ZFAND3: variants seen among roughly 807,000 people sequenced by gnomAD.
ZFAND3 encodes the protein zinc finger AN1-type containing 3.
ZFAND3 carries 10 observed loss-of-function variants against 29.6 expected under a neutral mutation model. That is an observed-to-expected ratio of 0.34 (90% CI 0.21 to 0.57). The LOEUF is 0.57. ZFAND3 is among the 20% of genes least tolerant of loss of function. The pLI is 0.86. For missense variants in ZFAND3, 230 were observed against 304.5 expected, an observed-to-expected ratio of 0.76 and a Z score of 1.82; for synonymous variants, 128 against 112.6, an observed-to-expected ratio of 1.14 and a Z score of -0.87.
At chr6:37,961,619 G>T (rs929693072) in intron 2 of ZFAND3, among the ~76,000 whole-genome samples, 6 of 152,246 alleles carry the variant, frequency 3.9e-5, no homozygotes, top group Non-Finnish European at 7.3e-5. Flanking sequence ...AGGAGTACTT[G>T]TGTCAGTCCA....
chr6:37,910,652 T>G (rs1765503394), intron 1 of ZFAND3, among the ~76,000 whole-genome samples: 1 of 152,204 alleles, frequency 6.6e-6, no homozygotes, highest in South Asian at 2.1e-4. Flanking sequence ...AAATTGTTAC[T>G]AAGTATAATC....
At chr6:37,964,278 A>G (rs1029632648) in intron 2 of ZFAND3, among the ~76,000 whole-genome samples, 1 of 152,140 alleles carries the variant, frequency 6.6e-6, no homozygotes, top group Non-Finnish European at 1.5e-5. Flanking sequence ...TCACATGACT[A>G]CCCTACCATG....
At chr6:38,135,763 CA>C (rs72123739) in intron 5 of ZFAND3, among the ~76,000 whole-genome samples, 10,372 of 151,110 alleles carry the variant, frequency 0.069, 419 homozygotes, top group Non-Finnish European at 0.087. Flanking sequence ...AAAAAACAAA[CA>C]AAAAAAACAC....
chr6:37,909,468 C>T (rs772944937), intron 1 of ZFAND3, among the ~76,000 whole-genome samples: 4 of 151,474 alleles, frequency 2.6e-5, no homozygotes, highest in Non-Finnish European at 4.4e-5. Context: ...TTAGTAGAGT[C>T]GGGGTTTTGC....
chr6:38,135,278 G>A (rs748128672), intron 5 of ZFAND3, among the ~76,000 whole-genome samples: 3 of 152,184 alleles, frequency 2.0e-5, no homozygotes, highest in Non-Finnish European at 4.4e-5. Flanking sequence ...GCAAAGTTCA[G>A]AGGCAAAAAA....
chr6:38,094,030 G>C (rs1374768916), intron 4 of ZFAND3, among the ~76,000 whole-genome samples: 3 of 152,180 alleles, frequency 2.0e-5, no homozygotes, highest in Non-Finnish European at 4.4e-5. Flanking sequence ...ATCTAAGAGT[G>C]TAAGGAAGGA....
intron 2 of ZFAND3, among the ~76,000 whole-genome samples, chr6:37,979,741 T>C (rs1038709222): frequency 1.4e-4 from 21 of 152,212 alleles, no homozygotes; most frequent in Non-Finnish European, 4.4e-5. Flanking sequence ...TGACCTGTAC[T>C]TGGCTGAATA....
intron 2 of ZFAND3, among the ~76,000 whole-genome samples, chr6:37,972,269 A>G (rs1488556776): frequency 6.6e-6 from 1 of 152,210 alleles, no homozygotes; most frequent in Non-Finnish European, 1.5e-5. Context: ...GCCCACATAA[A>G]GCTGGGTTTA....
intron 1 of ZFAND3, among the ~76,000 whole-genome samples, chr6:37,824,752 T>C (rs1240917686): frequency 6.6e-6 from 1 of 152,214 alleles, no homozygotes; most frequent in Non-Finnish European, 1.5e-5. Context: ...GCAAATATCA[T>C]ATGGGTTCAT....
chr6:37,944,210 T>A (rs1239499909), intron 2 of ZFAND3, among the ~76,000 whole-genome samples: 1 of 152,190 alleles, frequency 6.6e-6, no homozygotes, highest in African/African-American at 2.4e-5. Flanking sequence ...GACAGTTGGA[T>A]TTTATATGAG....
At chr6:37,823,988 CTG>C in intron 1 of ZFAND3, among the ~76,000 whole-genome samples, 1 of 152,190 alleles carries the variant, frequency 6.6e-6, no homozygotes, top group East Asian at 1.9e-4. Flanking sequence ...ACGTGGGAGA[CTG>C]TTATCGAACT....
At chr6:37,950,448 G>C (rs1298380131) in intron 2 of ZFAND3, among the ~76,000 whole-genome samples, 1 of 151,616 alleles carries the variant, frequency 6.6e-6, no homozygotes, top group African/African-American at 2.4e-5. Context: ...CGCAAACTTG[G>C]CTCACTGCAA....
rs980077403 is a variant in ZFAND3, at chr6:37,990,385, G to A, written c.112+60386G>A. On this transcript the variant is annotated intron_variant, in intron 2 of 5. Transcript: ENST00000287218. ...ACAGTTTGCTTTCTTTGAACCCAGGGTATGTACTTCCTAGAGCCACTGTGA... is the reference window on the plus strand; with the variant it reads ...ACAGTTTGCTTTCTTTGAACCCAGGATATGTACTTCCTAGAGCCACTGTGA... Among the ~76,000 whole-genome samples the A allele has an allele frequency of 9.2e-5, 14 of 152,216 alleles. 1 individual carries two copies. The highest frequency in any genetic ancestry group is 3.3e-4 in the Admixed American group (5 of 15,272).
intron 2 of ZFAND3, among the ~76,000 whole-genome samples, chr6:38,025,687 A>G (rs940618275): frequency 1.3e-5 from 2 of 152,222 alleles, no homozygotes; most frequent in African/African-American, 2.4e-5. Context: ...ATTCAGAGAT[A>G]TAAAAGAATG....
chr6:37,930,045 CT>C (rs370975464), intron 2 of ZFAND3, 46 bp downstream of exon 2: 176,003 of 1,008,948 alleles, frequency 0.17, no homozygotes, highest in East Asian at 0.19. Flanking sequence ...ATTTTTCTTT[CT>C]TTTTTTTTTT....
chr6:38,115,895 C>CT (rs1264275479), intron 4 of ZFAND3, among the ~76,000 whole-genome samples: 1 of 152,200 alleles, frequency 6.6e-6, no homozygotes, highest in Admixed American at 6.5e-5. Context: ...GGTGGGGTGC[C>CT]TGGTGCTGCT....
intron 2 of ZFAND3, among the ~76,000 whole-genome samples, chr6:38,054,218 C>CAAA (rs34198332): frequency 1.0e-3 from 114 of 112,018 alleles, no homozygotes; most frequent in Middle Eastern, 4.3e-3. Flanking sequence ...CCATCTCTAT[C>CAAA]AAAAAAAAAA....
At chr6:37,996,020 T>C (rs966609339) in intron 2 of ZFAND3, among the ~76,000 whole-genome samples, 1 of 151,576 alleles carries the variant, frequency 6.6e-6, no homozygotes, top group African/African-American at 2.4e-5. Flanking sequence ...TCCCAGCTAC[T>C]CGGGAAGCTC....
At chr6:38,042,613 C>T (rs1186402847) in intron 2 of ZFAND3, among the ~76,000 whole-genome samples, 2 of 152,088 alleles carry the variant, frequency 1.3e-5, no homozygotes, top group Non-Finnish European at 2.9e-5. Flanking sequence ...TGCACCTGGT[C>T]GAGCTGCTTT....
Sources: gnomAD v4.1 joint callset for allele counts (sites outside exome capture counted in the v4.1 genomes callset) on GRCh38, gnomAD v4.1.1 for gene constraint, MANE v1.5 for transcripts, NCBI Gene and HGNC (gene_info 2026-07-23, HGNC 2026-07-21) for gene names.